The following ST8SIA4 variants were observed in gnomAD, a reference collection of about 807,000 sequenced individuals.
ST8SIA4 encodes ST8 alpha-N-acetyl-neuraminide alpha-2,8-sialyltransferase 4.
In ST8SIA4, 15 loss-of-function variants were observed where a neutral mutation model predicts 33.9. That is an observed-to-expected ratio of 0.44 (90% CI 0.30 to 0.68). The LOEUF is 0.68. ST8SIA4 is among the 30% of genes least tolerant of loss of function. The pLI, the probability that ST8SIA4 is intolerant of heterozygous loss-of-function variation, is 0.10. For missense variants in ST8SIA4, 321 were observed against 428.0 expected, an observed-to-expected ratio of 0.75 and a Z score of 2.21; for synonymous variants, 171 against 151.2, an observed-to-expected ratio of 1.13 and a Z score of -0.96.
intron 4 of ST8SIA4, chr5:100,849,514 G>A (rs1425678396): frequency 1.1e-6 from 1 of 951,094 alleles, no homozygotes; most frequent in Non-Finnish European, 1.3e-6. Context: ...GAGCGCGGTG[G>A]CTCACGCCTG....
intron 4 of ST8SIA4, among the ~76,000 whole-genome samples, chr5:100,836,468 G>A (rs911687686): frequency 1.3e-5 from 2 of 151,618 alleles, no homozygotes; most frequent in Non-Finnish European, 2.9e-5. Flanking sequence ...CATTAGGTAC[G>A]GTAGACTACT....
At chr5:100,860,002 C>A (rs1751901266) in intron 3 of ST8SIA4, among the ~76,000 whole-genome samples, 1 of 151,910 alleles carries the variant, frequency 6.6e-6, no homozygotes, top group African/African-American at 2.4e-5. Context: ...TTTTTTAATT[C>A]TACATTTTTT....
In ST8SIA4 at chr5:100,867,051, A is replaced by G. The variant is rs142140172; in HGVS notation, c.504-10655T>C. On this transcript the variant is annotated intron_variant, in intron 3 of 4. Transcript: ENST00000231461. ...AAGTGAATGTGGATATATTTATGGT[A>G]GTCAACTAATAGATATTTGAATCAT... Among the ~76,000 whole-genome samples the G allele has an allele frequency of 3.9e-5, 6 of 152,236 alleles. No individual in the cohort carries two copies. In the East Asian group the frequency reaches 1.2e-3, roughly 29 times the overall value.
chr5:100,875,009 G>C (rs1245294378), intron 3 of ST8SIA4, among the ~76,000 whole-genome samples: 1 of 152,036 alleles, frequency 6.6e-6, no homozygotes, highest in Non-Finnish European at 1.5e-5. Flanking sequence ...ATGCTTACTA[G>C]CTTTTATTTA....
At chr5:100,870,328 G>T (rs1237670853) in intron 3 of ST8SIA4, among the ~76,000 whole-genome samples, 3 of 152,196 alleles carry the variant, frequency 2.0e-5, no homozygotes, top group South Asian at 2.1e-4. Context: ...TTGTCTGTGT[G>T]CTTACTGGTC....
chr5:100,870,718 C>T (rs554405555), intron 3 of ST8SIA4, among the ~76,000 whole-genome samples: 1 of 152,160 alleles, frequency 6.6e-6, no homozygotes, highest in African/African-American at 2.4e-5. Flanking sequence ...AGCTGTACCT[C>T]TCATCACAAC....
At position 100,893,168 on chromosome 5, in the gene ST8SIA4, T is replaced by G. The variant is rs113410429; in HGVS notation, c.245+2486A>C. ...AATAACAATAATAATAAATGATCCA[T>G]AATTAGTTTCTAATATCTTTTCAAA... On this transcript the variant is annotated intron_variant, in intron 2 of 4. Coordinates refer to ENST00000231461, the MANE Select transcript of ST8SIA4 (RefSeq NM_005668.6). 4.0e-3 allele frequency among the ~76,000 whole-genome samples: 605 copies of G among 152,190 alleles called. 5 individuals are homozygous for G. Among genetic ancestry groups the G allele is most frequent in the African/African-American group, 0.014 (581 of 41,538 alleles).
Position 100,903,069 on chromosome 5 carries a change from C to G in ST8SIA4, c.-114G>C. On this transcript the variant is annotated 5_prime_UTR_variant, in exon 1 of 5. Coordinates refer to ENST00000231461, the MANE Select transcript of ST8SIA4 (RefSeq NM_005668.6). ...TGAAATCTGTAAAATGCGAGGAGAG[C>G]TTGGAGCCGGGATCCCGGGATCAGA... 1 of 736,006 alleles carries G rather than the reference C, an allele frequency of 1.4e-6. No homozygotes were observed. The highest frequency in any genetic ancestry group is 2.3e-6 in the Non-Finnish European group (1 of 434,874). 45.6% of individuals were successfully genotyped at this position (736,006 alleles called of 1,614,324 possible).
At chr5:100,896,059 T>C (rs541657523) in intron 1 of ST8SIA4, among the ~76,000 whole-genome samples, 4 of 151,958 alleles carry the variant, frequency 2.6e-5, no homozygotes, top group Non-Finnish European at 4.4e-5. Flanking sequence ...TCACCAAATA[T>C]AAAGACAGAA....
intron 3 of ST8SIA4, among the ~76,000 whole-genome samples, chr5:100,885,032 T>C (rs1306574782): frequency 1.6e-5 from 2 of 128,958 alleles, no homozygotes; most frequent in Admixed American, 7.3e-5. Context: ...TTTACCTGAC[T>C]TATGATTTAG....
intron 3 of ST8SIA4, among the ~76,000 whole-genome samples, chr5:100,857,630 T>C (rs1393922292): frequency 1.3e-5 from 2 of 152,078 alleles, no homozygotes; most frequent in Non-Finnish European, 2.9e-5. Context: ...CTTACATTTC[T>C]CTTCCTTGTG....
intron 1 of ST8SIA4, among the ~76,000 whole-genome samples, chr5:100,898,675 G>A (rs1250675749): frequency 6.6e-6 from 1 of 152,170 alleles, no homozygotes; most frequent in Non-Finnish European, 1.5e-5. Flanking sequence ...CCCATGGGAT[G>A]TTTCACTCAT....
At chr5:100,817,921 G>A (rs966518366) in intron 4 of ST8SIA4, among the ~76,000 whole-genome samples, 2 of 152,202 alleles carry the variant, frequency 1.3e-5, no homozygotes, top group African/African-American at 4.8e-5. Context: ...AAAGATAAGC[G>A]ATTACTAAGA....
At chr5:100,853,258 G>T (rs565447949) in intron 4 of ST8SIA4, among the ~76,000 whole-genome samples, 9 of 152,188 alleles carry the variant, frequency 5.9e-5, no homozygotes, top group African/African-American at 2.2e-4. Context: ...AGGTCAAAAC[G>T]CTATCTTACA....
chr5:100,880,398 A>C (rs906596202), intron 3 of ST8SIA4, among the ~76,000 whole-genome samples: 4 of 152,172 alleles, frequency 2.6e-5, no homozygotes, highest in African/African-American at 7.2e-5. Context: ...CTTGCAGAGG[A>C]TATTCTGTAC....
At chr5:100,899,054 T>A (rs1408140772) in intron 1 of ST8SIA4, among the ~76,000 whole-genome samples, 1 of 152,176 alleles carries the variant, frequency 6.6e-6, no homozygotes, top group Non-Finnish European at 1.5e-5. Context: ...ACAATTTACT[T>A]CATTAGTTTT....
chr5:100,845,981 C>A (rs1277397056), intron 4 of ST8SIA4, among the ~76,000 whole-genome samples: 1 of 151,946 alleles, frequency 6.6e-6, no homozygotes, highest in Admixed American at 6.6e-5. Context: ...CTTATCAGAA[C>A]TTGCTCTTTT....
chr5:100,825,814 C>T (rs1301223138), intron 4 of ST8SIA4, among the ~76,000 whole-genome samples: 1 of 152,102 alleles, frequency 6.6e-6, no homozygotes, highest in Non-Finnish European at 1.5e-5. Flanking sequence ...ATTTACCTAA[C>T]CTGTAGCTTG....
chr5:100,884,019 C>T (rs1268862025), intron 3 of ST8SIA4, among the ~76,000 whole-genome samples: 2 of 152,066 alleles, frequency 1.3e-5, no homozygotes, highest in Admixed American at 1.3e-4. Context: ...TCAAATCCAT[C>T]TGATAGTTAG....
Sources: gnomAD v4.1 joint callset for allele counts (sites outside exome capture counted in the v4.1 genomes callset) on GRCh38, gnomAD v4.1.1 for gene constraint, MANE v1.5 for transcripts, NCBI Gene and HGNC (gene_info 2026-07-23, HGNC 2026-07-21) for gene names.